SLC2A12: variants seen among roughly 807,000 people sequenced by gnomAD.
SLC2A12 encodes solute carrier family 2 member 12.
A neutral mutation model predicts 41.8 loss-of-function variants in SLC2A12; 23 were observed. The ratio of observed to expected loss-of-function variants is 0.55; its 90% CI spans 0.40 to 0.78. The LOEUF is 0.78. Among genes scored for constraint, SLC2A12 ranks in the 30% least tolerant of loss-of-function variants. The probability of loss-of-function intolerance (pLI) is 0.00; values close to 1 mark genes in which losing one functional copy is unlikely to be tolerated. For missense variants in SLC2A12, 654 were observed against 745.6 expected (o/e 0.88, Z 1.43); for synonymous variants, 295 against 285.9 (o/e 1.03, Z -0.32).
At chr6:134,046,403 C>A (rs1445633306) in intron 1 of SLC2A12, among the ~76,000 whole-genome samples, 1 of 152,080 alleles carries the variant, frequency 6.6e-6, no homozygotes, top group Non-Finnish European at 1.5e-5. Context: ...GGAATTTTGG[C>A]AAAACAGTAT....
chr6:134,038,431 G>C (rs191820561), intron 1 of SLC2A12, among the ~76,000 whole-genome samples: 2 of 133,976 alleles, frequency 1.5e-5, no homozygotes, highest in Admixed American at 8.3e-5. Context: ...GTGCGATCTC[G>C]GCTCACTGCA....
At chr6:134,021,366 A>G (rs1248734394) in intron 2 of SLC2A12, among the ~76,000 whole-genome samples, 3 of 152,196 alleles carry the variant, frequency 2.0e-5, no homozygotes, top group Non-Finnish European at 4.4e-5. Flanking sequence ...TGCTGTGCTC[A>G]CTTACAGGGA....
intron 1 of SLC2A12, among the ~76,000 whole-genome samples, chr6:134,034,585 G>A (rs1321718362): frequency 1.3e-5 from 2 of 152,190 alleles, no homozygotes; most frequent in Non-Finnish European, 2.9e-5. Context: ...CATGACAAGA[G>A]CAAGATGCTA....
chr6:134,020,108 G>C (rs1777022520), intron 2 of SLC2A12, among the ~76,000 whole-genome samples: 1 of 151,754 alleles, frequency 6.6e-6, no homozygotes, highest in Non-Finnish European at 1.5e-5. Context: ...TTATTTTACA[G>C]TTAGGGGAAC....
At chr6:134,036,007 A>G (rs1777293448) in intron 1 of SLC2A12, among the ~76,000 whole-genome samples, 1 of 152,136 alleles carries the variant, frequency 6.6e-6, no homozygotes, top group South Asian at 2.1e-4. Flanking sequence ...TCAACACGAA[A>G]CAATCCATTT....
chr6:134,050,455 C>T (rs140456878), intron 1 of SLC2A12, among the ~76,000 whole-genome samples: 1 of 152,306 alleles, frequency 6.6e-6, no homozygotes, highest in Admixed American at 6.5e-5. Flanking sequence ...ACAACATAAA[C>T]AGTTGCACTT....
chr6:133,994,597 G>A (rs951867020), intron 4 of SLC2A12, among the ~76,000 whole-genome samples: 2 of 152,038 alleles, frequency 1.3e-5, no homozygotes, highest in Non-Finnish European at 1.5e-5. Context: ...GCGTGGTGGC[G>A]GGCACCTGTA....
chr6:134,017,862 G>GAAAA (rs1199696113), intron 2 of SLC2A12, among the ~76,000 whole-genome samples: 2 of 110,262 alleles, frequency 1.8e-5, no homozygotes, highest in African/African-American at 3.4e-5. Flanking sequence ...TGTCTCAAAA[G>GAAAA]AAAAAAAAAA....
chr6:134,027,871 C>T (rs1777135930), intron 2 of SLC2A12, among the ~76,000 whole-genome samples: 2 of 152,188 alleles, frequency 1.3e-5, no homozygotes, highest in African/African-American at 4.8e-5. Context: ...TGGGAGGCTA[C>T]TCTAGTGAAT....
chr6:134,043,769 C>G (rs2254246), intron 1 of SLC2A12, among the ~76,000 whole-genome samples: 60,016 of 141,642 alleles, frequency 0.42, 12,940 homozygotes, highest in South Asian at 0.59. Flanking sequence ...CCTAGCCTGG[C>G]GACAGAGCGA....
chr6:133,996,701 C>G (rs1031423295), intron 4 of SLC2A12, among the ~76,000 whole-genome samples: 2 of 152,196 alleles, frequency 1.3e-5, no homozygotes, highest in Non-Finnish European at 1.5e-5. Flanking sequence ...CATGAAGGCT[C>G]TCTTAACTCA....
rs1221364161 is a variant in SLC2A12, at chr6:134,038,766, C to T, written c.104-9045G>A. Among the ~76,000 whole-genome samples, 8 of 134,556 alleles carry T rather than the reference C, an allele frequency of 5.9e-5. No homozygotes were observed. In the Admixed American group the frequency reaches 6.4e-4, roughly 11 times the overall value. The allele number at this position is 134,556 out of a possible 152,430, so 88.3% of individuals were successfully genotyped here. Reference sequence around the variant, plus strand: ...TTTCGCCCAGGCTGGAGTGCAGTGGCACAATCTCAGCTCACTGCAACCTCT... The same window carrying T: ...TTTCGCCCAGGCTGGAGTGCAGTGGTACAATCTCAGCTCACTGCAACCTCT... On this transcript the variant is annotated intron_variant, in intron 1 of 4. Transcript: ENST00000275230.
At chr6:134,004,461 A>C (rs1776787016) in intron 3 of SLC2A12, among the ~76,000 whole-genome samples, 1 of 152,240 alleles carries the variant, frequency 6.6e-6, no homozygotes, top group Non-Finnish European at 1.5e-5. Flanking sequence ...GTGTGTGTAT[A>C]TGTGTATATA....
intron 2 of SLC2A12, among the ~76,000 whole-genome samples, chr6:134,011,098 T>G (rs955639847): frequency 6.6e-6 from 1 of 152,164 alleles, no homozygotes; most frequent in East Asian, 1.9e-4. Context: ...AGCTCTACAC[T>G]CAGACTGCAG....
At chr6:134,019,698 T>C (rs1777015872) in intron 2 of SLC2A12, among the ~76,000 whole-genome samples, 1 of 152,188 alleles carries the variant, frequency 6.6e-6, no homozygotes, top group Non-Finnish European at 1.5e-5. Flanking sequence ...ATGGACCCCT[T>C]CTTAGAATAA....
intron 1 of SLC2A12, among the ~76,000 whole-genome samples, chr6:134,050,911 C>T (rs1773673360): frequency 6.6e-6 from 1 of 151,822 alleles, no homozygotes; most frequent in South Asian, 2.1e-4. Context: ...AAGATGACCC[C>T]AGATATTCTT....
intron 2 of SLC2A12, among the ~76,000 whole-genome samples, chr6:134,014,930 G>A (rs551433234): frequency 3.9e-5 from 6 of 152,330 alleles, no homozygotes; most frequent in African/African-American, 1.4e-4. Context: ...ATCTAACTCC[G>A]AGGGGAAAAC....
In SLC2A12 at chr6:133,988,572, G is replaced by A. The variant is rs567422535; in HGVS notation, c.*2583C>T. 5 of 152,222 alleles carry A rather than the reference G, an allele frequency of 3.3e-5. No homozygotes were observed. The East Asian group carries it at 5.8e-4, about 18-fold the overall frequency. 9.4% of individuals were successfully genotyped at this position (152,222 alleles called of 1,614,324 possible). A position where few individuals can be genotyped will look rare whatever the true frequency, so the allele number is the denominator to read the frequency against. On this transcript the variant is annotated 3_prime_UTR_variant, in exon 5 of 5. Transcript: ENST00000275230. Reference sequence around the variant, plus strand: ...TATAAAATCTTGAAAACCTAGCTTAGGCACTGCACTGAACAACACATATTA... The same window carrying A: ...TATAAAATCTTGAAAACCTAGCTTAAGCACTGCACTGAACAACACATATTA...
chr6:134,025,559 T>C (rs1053080226), intron 2 of SLC2A12, among the ~76,000 whole-genome samples: 1 of 152,186 alleles, frequency 6.6e-6, no homozygotes, highest in African/African-American at 2.4e-5. Context: ...CTTTTGTTGT[T>C]TTGTTTTCTT....
Sources: allele counts gnomAD v4.1 joint callset (sites outside exome capture counted in the v4.1 genomes callset), GRCh38; gene constraint gnomAD v4.1.1; transcripts MANE v1.5; gene names NCBI Gene and HGNC (gene_info 2026-07-23, HGNC 2026-07-21).